The following ESRP1 variants were observed in gnomAD, a reference collection of about 807,000 sequenced individuals.
The protein encoded by ESRP1 is RNA-binding motif protein 35A.
In ESRP1, 33 loss-of-function variants were observed where a neutral mutation model predicts 81.7. The observed-to-expected ratio is 0.40, with a 90% CI of 0.31 to 0.54. The LOEUF is 0.54. Ranked by LOEUF, ESRP1 falls within the 20% of genes least tolerant of loss-of-function variation. The probability of loss-of-function intolerance (pLI) is 0.41; values close to 1 mark genes in which losing one functional copy is unlikely to be tolerated. For synonymous variants in ESRP1, 320 were observed against 303.3 expected (o/e 1.06, Z -0.57); for missense variants, 672 against 833.1 (o/e 0.81, Z 2.38).
At chr8:94,655,060 G>GTTTTTTTTT (rs139506660) in intron 4 of ESRP1, among the ~76,000 whole-genome samples, 10 of 146,718 alleles carry the variant, frequency 6.8e-5, no homozygotes, top group East Asian at 2.0e-4. Flanking sequence ...GGTTTTTTGG[G>GTTTTTTTTT]TTTTTTGTGT....
At chr8:94,674,747 C>T (rs911587491) in intron 12 of ESRP1, among the ~76,000 whole-genome samples, 3 of 152,160 alleles carry the variant, frequency 2.0e-5, no homozygotes, top group African/African-American at 7.2e-5. Context: ...CAGTGATAAG[C>T]ACTTGATTTC....
At chr8:94,684,203 G>T (rs1809046329) in intron 13 of ESRP1, among the ~76,000 whole-genome samples, 1 of 152,180 alleles carries the variant, frequency 6.6e-6, no homozygotes, top group African/African-American at 2.4e-5. Context: ...AATTTGCCAG[G>T]TATTTGGGTG....
chr8:94,705,749 A>T (rs1242506848), intron 15 of ESRP1, 176 bp from the exon 16 acceptor site: 5 of 602,896 alleles, frequency 8.3e-6, no homozygotes, highest in Non-Finnish European at 1.4e-5. Flanking sequence ...TGTACTCCCA[A>T]AGCCCTTGCC....
At chr8:94,674,947 T>G (rs1433378288) in intron 12 of ESRP1, among the ~76,000 whole-genome samples, 1 of 151,498 alleles carries the variant, frequency 6.6e-6, no homozygotes, top group Non-Finnish European at 1.5e-5. Context: ...GAGCATCAAG[T>G]ATTTTTTTAA....
chr8:94,703,108 G>GTT (rs201767398), intron 15 of ESRP1, among the ~76,000 whole-genome samples: 9,060 of 128,434 alleles, frequency 0.071, 493 homozygotes, highest in East Asian at 0.14. Context: ...GAGATTGATT[G>GTT]TTTTTTTTTT....
intron 3 of ESRP1, among the ~76,000 whole-genome samples, chr8:94,643,820 G>A (rs886687745): frequency 6.6e-6 from 1 of 152,112 alleles, no homozygotes; most frequent in African/African-American, 2.4e-5. Context: ...AGAGAGGAAA[G>A]AACTATTCTT....
chr8:94,705,774 T>G, intron 15 of ESRP1, 151 bp from the exon 16 acceptor site: 1 of 682,252 alleles, frequency 1.5e-6, no homozygotes. Context: ...AAATGCCAAC[T>G]ATGTCTGTGT....
At chr8:94,668,326 C>T (rs1819126265) in intron 10 of ESRP1, 76 bp downstream of exon 10, 2 of 1,335,500 alleles carry the variant, frequency 1.5e-6, no homozygotes, top group East Asian at 2.4e-5. Context: ...TCCTACATTG[C>T]TCATTATGTT....
At chr8:94,684,835 C>A (rs544490839) in intron 13 of ESRP1, among the ~76,000 whole-genome samples, 2 of 151,928 alleles carry the variant, frequency 1.3e-5, no homozygotes, top group Non-Finnish European at 2.9e-5. Context: ...GTAGGAGGAT[C>A]GCTGGAGCCC....
At chr8:94,671,020 G>A (rs1426124579) in intron 10 of ESRP1, among the ~76,000 whole-genome samples, 1 of 152,168 alleles carries the variant, frequency 6.6e-6, no homozygotes, top group African/African-American at 2.4e-5. Flanking sequence ...GGGGAATACT[G>A]TGTACTTAGT....
intron 9 of ESRP1, 58 bp from the exon 10 acceptor site, chr8:94,667,891 G>A (rs757107592): frequency 4.9e-6 from 7 of 1,423,240 alleles, no homozygotes; most frequent in Non-Finnish European, 6.7e-6. Context: ...CTTTAAAATC[G>A]GTAAAGTTGA....
chr8:94,667,068 G>GGTGTGTGTGTGTGTGTGTGTGT (rs1163646804), intron 9 of ESRP1, among the ~76,000 whole-genome samples: 1,786 of 144,264 alleles, frequency 0.012, 46 homozygotes, highest in African/African-American at 0.044. Context: ...CCAGGAGAGG[G>GGTGTGTGTGTGTGTGTGTGTGT]GTGTGTGTGT....
chr8:94,659,454 A>C (rs746198237), intron 4 of ESRP1, among the ~76,000 whole-genome samples: 1 of 152,186 alleles, frequency 6.6e-6, no homozygotes, highest in African/African-American at 2.4e-5. Context: ...TGGTTACCCC[A>C]TCTCTCTCCC....
chr8:94,691,122 C>G (rs1485870399), intron 13 of ESRP1, among the ~76,000 whole-genome samples: 2 of 152,174 alleles, frequency 1.3e-5, no homozygotes, highest in Non-Finnish European at 2.9e-5. Context: ...TCTAGTCTCA[C>G]AGTTGCCCAT....
intron 13 of ESRP1, among the ~76,000 whole-genome samples, chr8:94,681,347 A>C (rs1010622553): frequency 9.7e-5 from 14 of 144,312 alleles, no homozygotes; most frequent in Admixed American, 7.1e-5. Flanking sequence ...AAAAAAAAAA[A>C]AAAAAACTGG....
intron 15 of ESRP1, among the ~76,000 whole-genome samples, chr8:94,697,742 T>C (rs950295830): frequency 3.3e-5 from 5 of 152,162 alleles, no homozygotes; most frequent in African/African-American, 4.8e-5. Flanking sequence ...TAGTGATTCT[T>C]TTGGATTGGG....
chr8:94,683,178 A>G (rs1808992545), intron 13 of ESRP1, among the ~76,000 whole-genome samples: 1 of 151,614 alleles, frequency 6.6e-6, no homozygotes, highest in South Asian at 2.1e-4. Flanking sequence ...TCCAGACCTC[A>G]AGTGATCCGC....
chr8:94,696,305 A>G (rs141171363), intron 14 of ESRP1, among the ~76,000 whole-genome samples: 5 of 152,308 alleles, frequency 3.3e-5, no homozygotes, highest in Admixed American at 3.3e-4. Context: ...TTTACCATCA[A>G]TGCCTTTTAC....
chr8:94,650,922 G>T (rs1168703643), intron 4 of ESRP1, among the ~76,000 whole-genome samples: 3 of 152,074 alleles, frequency 2.0e-5, no homozygotes, highest in Non-Finnish European at 2.9e-5. Context: ...AGCCAGGATG[G>T]TCTCGATCTC....
Sources: allele counts gnomAD v4.1 joint callset (sites outside exome capture counted in the v4.1 genomes callset), GRCh38; gene constraint gnomAD v4.1.1; transcripts MANE v1.5; gene names NCBI Gene and HGNC (gene_info 2026-07-23, HGNC 2026-07-21).